The following LPIN1 variants were observed in gnomAD, a reference collection of about 807,000 sequenced individuals.
LPIN1 encodes lipin 1.
In LPIN1, 71 loss-of-function variants were observed where a neutral mutation model predicts 107.5. That is an observed-to-expected ratio of 0.66 (90% CI 0.55 to 0.80). The LOEUF is 0.80. Ranked by LOEUF, LPIN1 falls within the 30% of genes least tolerant of loss-of-function variation. LPIN1 has a pLI of 0.00. For synonymous variants in LPIN1, 445 were observed against 452.6 expected, an observed-to-expected ratio of 0.98 and a Z score of 0.21; for missense variants, 1,043 against 1,160.6, an observed-to-expected ratio of 0.90 and a Z score of 1.47.
intron 14 of LPIN1, among the ~76,000 whole-genome samples, chr2:11,799,581 A>G (rs749000472): frequency 1.3e-5 from 2 of 151,928 alleles, no homozygotes; most frequent in Non-Finnish European, 2.9e-5. Context: ...AGCATGGTTC[A>G]TAGGATCCGT....
At chr2:11,769,603 A>T (rs190456069) in intron 3 of LPIN1, among the ~76,000 whole-genome samples, 4,461 of 150,742 alleles carry the variant, frequency 0.03, 116 homozygotes, top group Non-Finnish European at 0.043. Context: ...TTTTTTTTTT[A>T]AAGTTTGTGT....
At chr2:11,702,812 A>G (rs4366872) in intron 1 of LPIN1, among the ~76,000 whole-genome samples, 37,335 of 151,746 alleles carry the variant, frequency 0.25, 4,772 homozygotes, top group South Asian at 0.3. Context: ...GTCTCTCCTC[A>G]CTATGGCACA....
rs777419583 is a variant in LPIN1 at position 11,771,958 on chromosome 2, C to T, written c.596+279C>T. Among the ~76,000 whole-genome samples the T allele has an allele frequency of 1.8e-4, 28 of 152,136 alleles. No individual in the cohort carries two copies. The highest frequency in any genetic ancestry group is 3.4e-4 in the Non-Finnish European group (23 of 68,018). On this transcript the variant is annotated intron_variant, in intron 4 of 20. Coordinates refer to ENST00000674199, the MANE Select transcript of LPIN1 (RefSeq NM_001349206.2). This position sits in a 1 kb window ranked among gnomAD's most constrained non-coding sequence, Gnocchi z 4.8. The stretch of plus-strand genomic sequence containing the variant: ...TATATAATGAAATACTTATACAACT[C>T]GCCATCATGTAGAATCAGTGGGAGC...
chr2:11,785,183 C>A lies in LPIN1; in HGVS notation c.1549+107C>A, dbSNP rs1674335387. 4 of 830,828 alleles carry A rather than the reference C, an allele frequency of 4.8e-6. No individual in the cohort carries two copies. In the South Asian group the frequency reaches 7.4e-5, roughly 15 times the overall value. 51.5% of individuals were successfully genotyped at this position (830,828 alleles called of 1,614,324 possible). A position where few individuals can be genotyped will look rare whatever the true frequency, so the allele number is the denominator to read the frequency against. ...GTCAAGGCAGCTTTTCCCTTGGTTG[C>A]GGTTAATGATAGCACAGATGATAGC... On this transcript the variant is annotated intron_variant, in intron 10 of 20. Coordinates refer to ENST00000674199, the MANE Select transcript of LPIN1 (RefSeq NM_001349206.2).
rs115934044 is a variant in LPIN1, at chr2:11,706,512, G to T, written c.82-7244G>T. Among the ~76,000 whole-genome samples, 919 of 152,324 alleles carry T rather than the reference G, an allele frequency of 6.0e-3. 4 individuals carry two copies. Among genetic ancestry groups the T allele is most frequent in the African/African-American group, 0.018 (742 of 41,572 alleles). On this transcript the variant is annotated intron_variant, in intron 1 of 21. Transcript: ENST00000449576. Reference sequence around the variant, plus strand: ...TAGATGAACTTAGAGAGTGGTCAGAGGTGCACACATTAGAAGCATTCAAAC... The same window carrying T: ...TAGATGAACTTAGAGAGTGGTCAGATGTGCACACATTAGAAGCATTCAAAC...
chr2:11,812,589 G>A (rs758990406), intron 17 of LPIN1, among the ~76,000 whole-genome samples: 30 of 152,326 alleles, frequency 2.0e-4, no homozygotes, highest in Middle Eastern at 6.8e-3. Context: ...GCAGATGAGC[G>A]TGGCGAGTTG....
chr2:11,771,357 G>T lies in LPIN1; in HGVS notation c.289-15G>T. ...ATTAACGAGGCTCTTTTTAGAAAAT[G>T]TGTTCTTTTCTTAGGAAGTTATCCC... On this transcript the variant is annotated splice_polypyrimidine_tract_variant and intron_variant, in intron 3 of 20. Transcript: ENST00000674199. This position sits in a 1 kb window ranked among gnomAD's most constrained non-coding sequence, Gnocchi z 4.8. 1 of 1,612,786 alleles carries T rather than the reference G, an allele frequency of 6.2e-7. No individual in the cohort carries two copies. Among genetic ancestry groups the T allele is most frequent in the Non-Finnish European group, 8.5e-7 (1 of 1,178,752 alleles).
At chr2:11,815,734 A>G (rs1000937374) in intron 18 of LPIN1, among the ~76,000 whole-genome samples, 1 of 151,664 alleles carries the variant, frequency 6.6e-6, no homozygotes, top group Non-Finnish European at 1.5e-5. Context: ...CACCCATCAT[A>G]CTTGTCATTT....
intron 3 of LPIN1, among the ~76,000 whole-genome samples, chr2:11,770,858 G>A (rs1671725753): frequency 6.6e-6 from 1 of 152,136 alleles, no homozygotes; most frequent in Non-Finnish European, 1.5e-5. Context: ...GTTCTTGGGC[G>A]GGGCTATCGG....
intron 17 of LPIN1, among the ~76,000 whole-genome samples, chr2:11,811,549 A>G (rs141576288): frequency 1.3e-5 from 2 of 152,352 alleles, no homozygotes; most frequent in African/African-American, 4.8e-5. Flanking sequence ...ATATTTGACA[A>G]TCCAGTTCTG....
rs181776136 is a variant in LPIN1, at chr2:11,694,862, C to T, written c.81+17134C>T. ...AAAAATTCCTGAATCCTCACCACTA[C>T]GTTAAGAAATATACAAGCAGTATTA... is the stretch of plus-strand genomic sequence containing the variant. On this transcript the variant is annotated intron_variant, in intron 1 of 21. Transcript: ENST00000449576. Among the ~76,000 whole-genome samples the T allele has an allele frequency of 4.7e-4, 72 of 152,306 alleles. 1 individual carries two copies. The highest frequency in any genetic ancestry group is 1.5e-3 in the East Asian group (8 of 5,182).
At chr2:11,712,173 A>C (rs913425856) in intron 1 of LPIN1, among the ~76,000 whole-genome samples, 1 of 152,300 alleles carries the variant, frequency 6.6e-6, no homozygotes. Context: ...CATGTGCTCA[A>C]CTACTCTGGA....
chr2:11,770,072 T>C (rs1040408133), intron 3 of LPIN1, among the ~76,000 whole-genome samples: 11 of 152,216 alleles, frequency 7.2e-5, no homozygotes, highest in African/African-American at 2.4e-4. Context: ...ACTCCAAAAA[T>C]ACTAATTGGT....
upstream of LPIN1, chr2:11,746,560 G>A (rs1201786542): frequency 2.8e-5 from 14 of 505,328 alleles, no homozygotes; most frequent in African/African-American, 4.1e-5. Context: ...CGCTTGCCCC[G>A]CCCCTGCCCT....
At chr2:11,788,075 G>A (rs887883787) in intron 11 of LPIN1, among the ~76,000 whole-genome samples, 2 of 152,082 alleles carry the variant, frequency 1.3e-5, no homozygotes, top group Admixed American at 6.6e-5. Context: ...ACCTTGACAC[G>A]TGGCAAGAAA....
Position 11,825,665 on chromosome 2 carries a change from T to C in LPIN1, c.*874T>C, listed in dbSNP as rs1285506401. On this transcript the variant is annotated 3_prime_UTR_variant, in exon 21 of 21. Transcript: ENST00000674199. This position sits in a 1 kb window ranked among gnomAD's most constrained non-coding sequence, Gnocchi z 4.1. ...CCATCCAGCGAGGTGGTGCTGACAG[T>C]GTGGACTTGAGCACACTTATGCCAA... is the stretch of plus-strand genomic sequence containing the variant. 1 of 152,614 alleles carries C rather than the reference T, an allele frequency of 6.6e-6. No individual in the cohort carries two copies. The highest frequency in any genetic ancestry group is 1.5e-5 in the Non-Finnish European group (1 of 68,046). 9.5% of individuals were successfully genotyped at this position (152,614 alleles called of 1,614,324 possible). A position where few individuals can be genotyped will look rare whatever the true frequency, so the allele number is the denominator to read the frequency against.
At chr2:11,791,429 C>A (rs559033041) in intron 12 of LPIN1, among the ~76,000 whole-genome samples, 28 of 152,200 alleles carry the variant, frequency 1.8e-4, no homozygotes, top group African/African-American at 6.0e-4. Context: ...TCAAATGTAC[C>A]TATTAATGCA....
rs1682375945 is a variant in LPIN1, at chr2:11,826,418, A to G, written c.*1627A>G. 1 of 150,096 alleles carries G rather than the reference A, an allele frequency of 6.7e-6. No individual in the cohort carries two copies. Among genetic ancestry groups the G allele is most frequent in the Non-Finnish European group, 1.5e-5 (1 of 67,672 alleles). The allele number at this position is 150,096 out of a possible 1,614,324, so 9.3% of individuals were successfully genotyped here. ...CATGTGCAGATTCCCTTTTGCAGGTATTAAAAATAATTAAAAATAGTCCTG... is the reference window on the plus strand; with the variant it reads ...CATGTGCAGATTCCCTTTTGCAGGTGTTAAAAATAATTAAAAATAGTCCTG... On this transcript the variant is annotated 3_prime_UTR_variant, in exon 21 of 21. Coordinates refer to ENST00000674199, the MANE Select transcript of LPIN1 (RefSeq NM_001349206.2).
At position 11,824,849 on chromosome 2, in the gene LPIN1, A is replaced by G; in HGVS notation, c.*58A>G. 1 of 1,601,462 alleles carries G rather than the reference A, an allele frequency of 6.2e-7. No individual in the cohort carries two copies. Among genetic ancestry groups the G allele is most frequent in the South Asian group, 1.1e-5 (1 of 90,762 alleles). ...GAGCCTGGTTGTCACCCATTAAAGG[A>G]TAGGTCTCCCCGGAGTGCACAGCTC... On this transcript the variant is annotated 3_prime_UTR_variant, in exon 21 of 21. Transcript: ENST00000674199.
Sources: allele counts gnomAD v4.1 joint callset (sites outside exome capture counted in the v4.1 genomes callset), GRCh38; gene constraint gnomAD v4.1.1; non-coding constraint Gnocchi (gnomAD v3.1); transcripts MANE v1.5; gene names NCBI Gene and HGNC (gene_info 2026-07-23, HGNC 2026-07-21).